Variants in COL5A2 observed in about 807,000 individuals in gnomAD.
COL5A2 encodes collagen alpha-2(V) chain.
COL5A2 carries 23 observed loss-of-function variants against 208.2 expected under a neutral mutation model. The observed-to-expected ratio is 0.11, with a 90% confidence interval of 0.08 to 0.16. The LOEUF is 0.16. Among genes scored for constraint, COL5A2 ranks in the 10% least tolerant of loss-of-function variants. The probability of loss-of-function intolerance (pLI) is 1.00; values close to 1 mark genes in which losing one functional copy is unlikely to be tolerated. For synonymous variants in COL5A2, 625 were observed against 628.5 expected (o/e 0.99, Z 0.08); for missense variants, 1,590 against 1,956.4 (o/e 0.81, Z 3.53).
chr2:189,167,822 T>C (rs1688496135), intron 1 of COL5A2, among the ~76,000 whole-genome samples: 2 of 152,042 alleles, frequency 1.3e-5, no homozygotes, highest in Admixed American at 1.3e-4. Context: ...TTTCACAAAA[T>C]AACACCTAGA....
At chr2:189,250,646 C>T in the COL5A2 span, among the ~76,000 whole-genome samples, 1 of 152,136 alleles carries the variant, frequency 6.6e-6, no homozygotes, top group South Asian at 2.1e-4. Context: ...CTTTCCAAGG[C>T]TAACTGAACG....
the COL5A2 span, among the ~76,000 whole-genome samples, chr2:189,301,186 CAAAA>C: frequency 6.9e-6 from 1 of 145,964 alleles, no homozygotes; most frequent in East Asian, 2.0e-4. Flanking sequence ...AACCCTGTCT[CAAAA>C]AAAAAATGAT....
In COL5A2 at chr2:189,051,246, A is replaced by T. The variant is rs1275259935; in HGVS notation, c.2931+74T>A. The T allele has an allele frequency of 9.4e-6, 15 of 1,587,870 alleles. No homozygotes were observed. In the East Asian group the frequency reaches 2.9e-4, roughly 31 times the overall value. On this transcript the variant is annotated intron_variant, in intron 42 of 53. Transcript: ENST00000374866. Reference sequence around the variant, plus strand: ...AGCATAATATTTAAGCATTTTTGTGACACTGATCATTATGGGTTTCTATTT... The same window carrying T: ...AGCATAATATTTAAGCATTTTTGTGTCACTGATCATTATGGGTTTCTATTT...
the COL5A2 span, among the ~76,000 whole-genome samples, chr2:189,378,716 TC>T: frequency 2.2e-5 from 3 of 137,634 alleles, no homozygotes; most frequent in Non-Finnish European, 3.1e-5. Context: ...AGTGCGAGAC[TC>T]CGTCTCAACA....
At chr2:189,268,702 TAACA>T in the COL5A2 span, among the ~76,000 whole-genome samples, 132,714 of 151,658 alleles carry the variant, frequency 0.88, 58,570 homozygotes, top group East Asian at 0.99. Context: ...CACCTCTTTT[TAACA>T]AACAATATTT....
At position 189,078,501 on chromosome 2, in the gene COL5A2, A is replaced by C; in HGVS notation, c.1059+15T>G. The C allele has an allele frequency of 1.3e-6, 2 of 1,592,550 alleles. No homozygotes were observed. Among genetic ancestry groups the C allele is most frequent in the Non-Finnish European group, 1.7e-6 (2 of 1,160,384 alleles). On this transcript the variant is annotated intron_variant, in intron 16 of 53. Coordinates refer to ENST00000374866, the MANE Select transcript of COL5A2 (RefSeq NM_000393.5). Reference sequence around the variant, plus strand: ...TACACATCTCAGCAGTATAAGTAAAAGCAGATATACTTACAGGAGCACCCT... The same window carrying C: ...TACACATCTCAGCAGTATAAGTAAACGCAGATATACTTACAGGAGCACCCT...
the COL5A2 span, among the ~76,000 whole-genome samples, chr2:189,286,710 T>C: frequency 1.3e-5 from 2 of 152,226 alleles, no homozygotes. Context: ...AAAAGAATTC[T>C]TCTAAATGAG....
chr2:189,083,745 T>G (rs533798905), intron 12 of COL5A2, among the ~76,000 whole-genome samples: 1 of 152,154 alleles, frequency 6.6e-6, no homozygotes, highest in East Asian at 1.9e-4. Context: ...ATTCATGTTA[T>G]GTTCAATATA....
intron 1 of COL5A2, among the ~76,000 whole-genome samples, chr2:189,174,268 G>A (rs1688635039): frequency 6.6e-6 from 1 of 152,158 alleles, no homozygotes; most frequent in Non-Finnish European, 1.5e-5. Context: ...GTAAGAGAGA[G>A]GAAATATTGA....
intron 3 of COL5A2, among the ~76,000 whole-genome samples, chr2:189,103,046 T>C (rs1687076993): frequency 6.6e-6 from 1 of 152,104 alleles, no homozygotes; most frequent in Non-Finnish European, 1.5e-5. Context: ...TGAATTAAAA[T>C]GATTATTTCA....
chr2:189,324,201 C>T, the COL5A2 span, among the ~76,000 whole-genome samples: 2 of 152,162 alleles, frequency 1.3e-5, no homozygotes, highest in South Asian at 2.1e-4. Context: ...AGACCTAAAA[C>T]CATAAAAACC....
the COL5A2 span, among the ~76,000 whole-genome samples, chr2:189,374,374 A>C: frequency 6.6e-6 from 1 of 151,448 alleles, no homozygotes; most frequent in South Asian, 2.1e-4. Context: ...ACCCAATTTT[A>C]CCCTTTTGTT....
chr2:189,414,269 A>G, the COL5A2 span, among the ~76,000 whole-genome samples: 1 of 152,334 alleles, frequency 6.6e-6, no homozygotes, highest in African/African-American at 2.4e-5. Context: ...AATAGTAATT[A>G]TCAAAGAAAT....
chr2:189,390,165 C>T, the COL5A2 span, among the ~76,000 whole-genome samples: 1 of 151,978 alleles, frequency 6.6e-6, no homozygotes, highest in African/African-American at 2.4e-5. Flanking sequence ...CCTGAGGCTG[C>T]CTGTGTGTTG....
At chr2:189,148,601 C>A (rs1369759834) in intron 1 of COL5A2, among the ~76,000 whole-genome samples, 2 of 152,114 alleles carry the variant, frequency 1.3e-5, no homozygotes, top group Non-Finnish European at 2.9e-5. Context: ...AAACATGAGT[C>A]CATATTGCCC....
intron 6 of COL5A2, among the ~76,000 whole-genome samples, chr2:189,094,183 C>A (rs72906333): frequency 6.6e-6 from 1 of 152,120 alleles, no homozygotes; most frequent in East Asian, 1.9e-4. Context: ...TATGTCTCCA[C>A]GGAATGCCCT....
the COL5A2 span, among the ~76,000 whole-genome samples, chr2:189,236,013 A>C: frequency 1.3e-5 from 2 of 151,516 alleles, no homozygotes; most frequent in Non-Finnish European, 2.9e-5. Context: ...AAAAAAAAAA[A>C]AACACCTGAA....
intron 1 of COL5A2, among the ~76,000 whole-genome samples, chr2:189,141,386 A>G (rs1384369426): frequency 6.6e-6 from 1 of 152,158 alleles, no homozygotes; most frequent in Admixed American, 6.6e-5. Context: ...TTACATATAA[A>G]GGGATTGGGG....
chr2:189,216,323 C>T (rs1390620813), intron 1 of COL5A2, among the ~76,000 whole-genome samples: 2 of 152,114 alleles, frequency 1.3e-5, no homozygotes, highest in South Asian at 2.1e-4. Flanking sequence ...CTGGGAATTC[C>T]ATATTAAGAT....
Sources: gnomAD v4.1 joint callset for allele counts (sites outside exome capture counted in the v4.1 genomes callset) on GRCh38, gnomAD v4.1.1 for gene constraint, MANE v1.5 for transcripts, NCBI Gene and HGNC (gene_info 2026-07-23, HGNC 2026-07-21) for gene names.